ADGRL3: variants seen among roughly 807,000 people sequenced by gnomAD.
The protein encoded by ADGRL3 is adhesion G protein-coupled receptor L3.
In ADGRL3, 62 loss-of-function variants were observed where a neutral mutation model predicts 153.5. That is an observed-to-expected ratio of 0.40 (90% confidence interval 0.33 to 0.50). The LOEUF (loss-of-function observed/expected upper bound fraction) is 0.50, where lower values mean the gene tolerates loss of function less well. Among genes scored for constraint, ADGRL3 ranks in the 20% least tolerant of loss-of-function variants. The pLI, the probability that ADGRL3 is intolerant of heterozygous loss-of-function variation, is 0.47. For synonymous variants in ADGRL3, 710 were observed against 672.5 expected (o/e 1.06, Z -0.86); for missense variants, 1,641 against 1,859.4 (o/e 0.88, Z 2.16).
chr4:61,801,663 T>C (rs958060366), intron 8 of ADGRL3, among the ~76,000 whole-genome samples: 1 of 152,108 alleles, frequency 6.6e-6, no homozygotes, highest in Non-Finnish European at 1.5e-5. Context: ...AGGCATCAAT[T>C]GCTCCTTCTA....
At chr4:61,207,154 C>T (rs1048106547) in intron 1 of ADGRL3, among the ~76,000 whole-genome samples, 1 of 151,934 alleles carries the variant, frequency 6.6e-6, no homozygotes, top group African/African-American at 2.4e-5. Context: ...CACCCATCAA[C>T]CCATCATCTA....
intron 1 of ADGRL3, among the ~76,000 whole-genome samples, chr4:61,205,303 C>T (rs879942912): frequency 2.0e-5 from 3 of 152,014 alleles, no homozygotes; most frequent in Non-Finnish European, 4.4e-5. Context: ...GAGTTTTGGC[C>T]CAGAAATCAG....
intron 13 of ADGRL3, among the ~76,000 whole-genome samples, chr4:61,913,855 A>G (rs989500364): frequency 2.6e-5 from 4 of 152,190 alleles, no homozygotes; most frequent in Admixed American, 6.6e-5. Flanking sequence ...AGCACAATAC[A>G]GTAGACTTTT....
intron 15 of ADGRL3, among the ~76,000 whole-genome samples, chr4:61,946,194 G>C (rs1443028177): frequency 2.0e-5 from 3 of 152,140 alleles, no homozygotes; most frequent in African/African-American, 7.2e-5. Flanking sequence ...AAGCGTACGA[G>C]AGTTCCATTT....
intron 1 of ADGRL3, among the ~76,000 whole-genome samples, chr4:61,222,533 A>G (rs1248463114): frequency 6.6e-6 from 1 of 152,280 alleles, no homozygotes; most frequent in East Asian, 1.9e-4. Context: ...GCATAAAGTA[A>G]ATCACTAAAG....
chr4:61,404,142 G>A (rs1031474092), intron 2 of ADGRL3, among the ~76,000 whole-genome samples: 3 of 152,012 alleles, frequency 2.0e-5, no homozygotes, highest in African/African-American at 7.2e-5. Context: ...GGTGTTTACA[G>A]TCCATTGGCA....
At chr4:61,745,325 C>A (rs182332726) in intron 8 of ADGRL3, among the ~76,000 whole-genome samples, 13,143 of 152,016 alleles carry the variant, frequency 0.086, 1,204 homozygotes, top group African/African-American at 0.23. Flanking sequence ...TCTAGCAAGG[C>A]AGGCCAACAT....
intron 8 of ADGRL3, among the ~76,000 whole-genome samples, chr4:61,804,283 T>C (rs2097530576): frequency 6.6e-6 from 1 of 152,172 alleles, no homozygotes; most frequent in African/African-American, 2.4e-5. Context: ...TGGGGGCATA[T>C]ATTGATCTCA....
intron 1 of ADGRL3, among the ~76,000 whole-genome samples, chr4:61,308,996 T>G (rs2094902725): frequency 2.6e-5 from 4 of 152,162 alleles, no homozygotes; most frequent in African/African-American, 9.6e-5. Context: ...GTTTGGCAAG[T>G]TCTTCAATTA....
chr4:61,408,462 G>GC (rs1273885373), intron 2 of ADGRL3, among the ~76,000 whole-genome samples: 7 of 148,288 alleles, frequency 4.7e-5, no homozygotes, highest in African/African-American at 1.7e-4. Context: ...TTGCTTTGTT[G>GC]CCGACTATAC....
intron 4 of ADGRL3, among the ~76,000 whole-genome samples, chr4:61,535,135 T>G (rs953127728): frequency 6.6e-6 from 1 of 152,064 alleles, no homozygotes; most frequent in Non-Finnish European, 1.5e-5. Context: ...GTTGAGGGTT[T>G]TTTAAAACCA....
At chr4:61,641,525 G>A (rs1258701644) in intron 5 of ADGRL3, among the ~76,000 whole-genome samples, 3 of 147,826 alleles carry the variant, frequency 2.0e-5, no homozygotes, top group African/African-American at 7.5e-5. Context: ...CTATGAGTGA[G>A]AATATGCAGT....
Position 61,795,208 on chromosome 4 carries a change from A to G in ADGRL3, c.1400-18601A>G, listed in dbSNP as rs368858985. ...AGTAGCATGATCATAGCTCACTGCA[A>G]CCTCGAACTTCTAGGCTCAAACAAT... On this transcript the variant is annotated intron_variant, in intron 8 of 26. Coordinates refer to ENST00000683033, the MANE Select transcript of ADGRL3 (RefSeq NM_001387552.1). 1.3e-3 allele frequency among the ~76,000 whole-genome samples: 198 copies of G among 152,274 alleles called. 1 individual carries two copies. The highest frequency in any genetic ancestry group is 4.6e-3 in the African/African-American group (191 of 41,568).
chr4:61,570,077 A>G (rs908313424), intron 4 of ADGRL3, among the ~76,000 whole-genome samples: 5 of 152,116 alleles, frequency 3.3e-5, no homozygotes, highest in African/African-American at 4.8e-5. Context: ...ATGTTTTTTC[A>G]TTCAGGAACT....
intron 1 of ADGRL3, among the ~76,000 whole-genome samples, chr4:61,318,641 A>G (rs562989136): frequency 1.3e-4 from 20 of 152,182 alleles, no homozygotes; most frequent in Non-Finnish European, 2.6e-4. Context: ...CTACAACATG[A>G]CAAAAGCATT....
At chr4:61,513,053 C>T (rs2098472041) in intron 3 of ADGRL3, among the ~76,000 whole-genome samples, 1 of 152,066 alleles carries the variant, frequency 6.6e-6, no homozygotes, top group Non-Finnish European at 1.5e-5. Context: ...CCTGGTAACT[C>T]TGATAAATAT....
intron 5 of ADGRL3, among the ~76,000 whole-genome samples, chr4:61,636,042 G>T (rs557493370): frequency 6.6e-6 from 1 of 152,164 alleles, no homozygotes; most frequent in East Asian, 1.9e-4. Flanking sequence ...TGAGAGTTAG[G>T]ACTTCAACAT....
chr4:61,226,951 T>C lies in ADGRL3; in HGVS notation c.-240+25186T>C, dbSNP rs116804875. Reference sequence around the variant, plus strand: ...AATAAATGGGAAAGATATCCTGCTGTGAAATCATATTTAATCTCTTTTAGA... The same window carrying C: ...AATAAATGGGAAAGATATCCTGCTGCGAAATCATATTTAATCTCTTTTAGA... On this transcript the variant is annotated intron_variant, in intron 1 of 26. Transcript: ENST00000683033. Among the ~76,000 whole-genome samples the C allele has an allele frequency of 3.5e-3, 540 of 152,356 alleles. 2 individuals carry two copies. The highest frequency in any genetic ancestry group is 0.012 in the African/African-American group (503 of 41,588).
At chr4:61,945,644 C>A (rs1232940516) in intron 15 of ADGRL3, among the ~76,000 whole-genome samples, 1 of 141,350 alleles carries the variant, frequency 7.1e-6, no homozygotes, top group East Asian at 2.2e-4. Context: ...CGTGGTGCGC[C>A]GTTTCTTAAG....
Sources: gnomAD v4.1 joint callset for allele counts (sites outside exome capture counted in the v4.1 genomes callset) on GRCh38, gnomAD v4.1.1 for gene constraint, MANE v1.5 for transcripts, NCBI Gene and HGNC (gene_info 2026-07-23, HGNC 2026-07-21) for gene names.